The following NRXN3 variants were observed in gnomAD, a reference collection of about 807,000 sequenced individuals.
NRXN3 encodes the protein neurexin III.
In NRXN3, 32 loss-of-function variants were observed where a neutral mutation model predicts 137.6. The ratio of observed to expected loss-of-function variants is 0.23; its 90% CI spans 0.18 to 0.31. The LOEUF is 0.31. Ranked by LOEUF, NRXN3 falls within the 10% of genes least tolerant of loss-of-function variation. The pLI is 1.00. For missense variants in NRXN3, 1,574 were observed against 2,062.5 expected (o/e 0.76, Z 4.59); for synonymous variants, 798 against 784.5 (o/e 1.02, Z -0.29).
chr14:78,947,900 T>G (rs1159919599), intron 10 of NRXN3, among the ~76,000 whole-genome samples: 1 of 152,208 alleles, frequency 6.6e-6, no homozygotes, highest in Non-Finnish European at 1.5e-5. Context: ...TCAGAAAGAC[T>G]GGATTCTTTA....
At chr14:79,097,660 G>T (rs1477489298) in intron 15 of NRXN3, among the ~76,000 whole-genome samples, 1 of 152,042 alleles carries the variant, frequency 6.6e-6, no homozygotes, top group East Asian at 1.9e-4. Context: ...TTTCCAAATT[G>T]CATTCAATCG....
intron 6 of NRXN3, among the ~76,000 whole-genome samples, chr14:78,692,447 A>G (rs567969872): frequency 1.3e-5 from 2 of 152,214 alleles, no homozygotes; most frequent in Non-Finnish European, 2.9e-5. Flanking sequence ...CAATATAGGT[A>G]GGTGTCTTTG....
At chr14:79,113,164 GTCTCCAGACATTGC>G (rs2053835236) in intron 15 of NRXN3, among the ~76,000 whole-genome samples, 2 of 152,108 alleles carry the variant, frequency 1.3e-5, no homozygotes, top group Admixed American at 6.6e-5. Flanking sequence ...AATAAAAAAT[GTCTCCAGACATTGC>G]CAAATGTCCT....
At chr14:78,330,609 A>G (rs2080697319) in intron 4 of NRXN3, among the ~76,000 whole-genome samples, 1 of 152,188 alleles carries the variant, frequency 6.6e-6, no homozygotes, top group Non-Finnish European at 1.5e-5. Context: ...AATATAATGT[A>G]TTTCCTTGAA....
intron 15 of NRXN3, among the ~76,000 whole-genome samples, chr14:79,042,239 T>C (rs1288500217): frequency 6.6e-6 from 1 of 152,246 alleles, no homozygotes; most frequent in Non-Finnish European, 1.5e-5. Flanking sequence ...TATCATTTTC[T>C]GTAGGAGTAC....
chr14:78,504,758 G>A (rs2095950906), intron 4 of NRXN3, among the ~76,000 whole-genome samples: 1 of 152,074 alleles, frequency 6.6e-6, no homozygotes, highest in South Asian at 2.1e-4. Flanking sequence ...CCCACTATGT[G>A]CCACACCCTA....
intron 18 of NRXN3, among the ~76,000 whole-genome samples, chr14:79,692,699 AAAAC>A (rs989483593): frequency 9.2e-5 from 14 of 152,148 alleles, no homozygotes; most frequent in East Asian, 7.8e-4. Context: ...AACAAACAAA[AAAAC>A]AAACAAACAA....
chr14:78,738,298 G>A (rs2098549738), intron 8 of NRXN3, among the ~76,000 whole-genome samples: 2 of 152,226 alleles, frequency 1.3e-5, no homozygotes, highest in African/African-American at 4.8e-5. Flanking sequence ...CAGCAGTTTA[G>A]TGGAAAAGAC....
intron 4 of NRXN3, among the ~76,000 whole-genome samples, chr14:78,388,104 C>A (rs2090238756): frequency 6.6e-6 from 1 of 152,126 alleles, no homozygotes; most frequent in Non-Finnish European, 1.5e-5. Context: ...CCATATGTGA[C>A]CTCATTGAAT....
chr14:79,412,500 C>A (rs983669173), intron 15 of NRXN3, among the ~76,000 whole-genome samples: 3 of 151,896 alleles, frequency 2.0e-5, no homozygotes, highest in Non-Finnish European at 4.4e-5. Context: ...CTAGGATCAG[C>A]TGGCTCAGTG....
At chr14:79,692,298 T>C in intron 18 of NRXN3, 36 bp downstream of exon 18, 1 of 1,486,270 alleles carries the variant, frequency 6.7e-7, no homozygotes. Flanking sequence ...TAAAATCATT[T>C]GATCCTAAAC....
At chr14:78,993,682 G>T (rs1177053990) in intron 15 of NRXN3, among the ~76,000 whole-genome samples, 1 of 152,028 alleles carries the variant, frequency 6.6e-6, no homozygotes. Flanking sequence ...CTAGTCTAAT[G>T]GGGAAAGACA....
At chr14:78,652,019 A>G (rs2097749855) in intron 6 of NRXN3, among the ~76,000 whole-genome samples, 3 of 152,250 alleles carry the variant, frequency 2.0e-5, no homozygotes, top group Non-Finnish European at 4.4e-5. Context: ...CATTGAAATC[A>G]CAAGGAACTA....
intron 4 of NRXN3, among the ~76,000 whole-genome samples, chr14:78,438,695 A>T (rs1330518715): frequency 1.3e-5 from 2 of 152,174 alleles, no homozygotes; most frequent in African/African-American, 4.8e-5. Flanking sequence ...AGAGAAGGTC[A>T]CCAAAGCCTA....
intron 10 of NRXN3, among the ~76,000 whole-genome samples, chr14:78,868,118 ATC>A (rs1251228859): frequency 6.6e-6 from 1 of 151,250 alleles, no homozygotes; most frequent in Non-Finnish European, 1.5e-5. Flanking sequence ...TCTCTTATAA[ATC>A]TGTCTTTATT....
chr14:78,762,882 G>A (rs1430308299), intron 8 of NRXN3, among the ~76,000 whole-genome samples: 4 of 152,178 alleles, frequency 2.6e-5, no homozygotes, highest in African/African-American at 4.8e-5. Context: ...GTCAGAGAAG[G>A]CATCACAAAA....
At chr14:79,377,895 TGAAAG>T (rs771087174) in intron 15 of NRXN3, among the ~76,000 whole-genome samples, 20 of 152,200 alleles carry the variant, frequency 1.3e-4, no homozygotes, top group Non-Finnish European at 2.1e-4. Flanking sequence ...AGTGGGGTGT[TGAAAG>T]GAACAGCTGG....
At chr14:78,507,635 A>C (rs920809186) in intron 4 of NRXN3, among the ~76,000 whole-genome samples, 3 of 152,228 alleles carry the variant, frequency 2.0e-5, no homozygotes, top group African/African-American at 7.2e-5. Context: ...TGCATAGTCT[A>C]TCTAGATTCT....
chr14:78,733,267 G>A lies in NRXN3; in HGVS notation c.2044+18128G>A, dbSNP rs138241116. ...ACGTGCTCAACACATTGTTGTTGAC[G>A]GTGATAGGTTCAGGGCACAGGTATC... On this transcript the variant is annotated intron_variant, in intron 8 of 20. Coordinates refer to ENST00000335750, the MANE Select transcript of NRXN3 (RefSeq NM_001330195.2). Among the ~76,000 whole-genome samples, 53 of 151,532 alleles carry A rather than the reference G, an allele frequency of 3.5e-4. 1 individual carries two copies. The East Asian group carries it at 9.7e-3, about 28-fold the overall frequency.
Sources: gnomAD v4.1 joint callset for allele counts (sites outside exome capture counted in the v4.1 genomes callset) on GRCh38, gnomAD v4.1.1 for gene constraint, MANE v1.5 for transcripts, NCBI Gene and HGNC (gene_info 2026-07-23, HGNC 2026-07-21) for gene names.